Variants in NKAIN3 observed in about 807,000 individuals in gnomAD.
The protein encoded by NKAIN3 is sodium/potassium-transporting ATPase subunit beta-1-interacting protein 3.
Under a neutral mutation model 30.2 loss-of-function variants are expected in NKAIN3, and 25 were observed. The ratio of observed to expected loss-of-function variants is 0.83; its 90% CI spans 0.60 to 1.16. NKAIN3 has a LOEUF of 1.16. Ranked by LOEUF, NKAIN3 falls within the 50% of genes most tolerant of loss-of-function variation. The probability of loss-of-function intolerance (pLI) is 0.00; values close to 1 mark genes in which losing one functional copy is unlikely to be tolerated. For synonymous variants in NKAIN3, 91 were observed against 89.6 expected, an observed-to-expected ratio of 1.02 and a Z score of -0.09; for missense variants, 225 against 254.1, an observed-to-expected ratio of 0.89 and a Z score of 0.78.
chr8:62,732,440 G>A (rs1423981560), intron 3 of NKAIN3, among the ~76,000 whole-genome samples: 2 of 151,722 alleles, frequency 1.3e-5, no homozygotes, highest in African/African-American at 4.8e-5. Context: ...TATTTTAATT[G>A]CATTATTGTC....
At position 62,784,132 on chromosome 8, in the gene NKAIN3, A is replaced by T. The variant is rs116315265; in HGVS notation, c.471+37003A>T. On this transcript the variant is annotated intron_variant, in intron 4 of 6. Transcript: ENST00000623646. ...AAAATGTACAAGACACAGCTAACAC[A>T]GTTATGAGAGGTAAATTGACAGTTA... Among the ~76,000 whole-genome samples the T allele has an allele frequency of 5.4e-3, 819 of 152,224 alleles. 3 individuals carry two copies. The highest frequency in any genetic ancestry group is 0.018 in the African/African-American group (758 of 41,552).
intron 3 of NKAIN3, among the ~76,000 whole-genome samples, chr8:62,626,170 A>T (rs1811781297): frequency 1.3e-5 from 2 of 152,184 alleles, no homozygotes; most frequent in South Asian, 4.1e-4. Flanking sequence ...TCACCAAAAT[A>T]GGTAGGAAGG....
intron 4 of NKAIN3, among the ~76,000 whole-genome samples, chr8:62,873,713 A>G (rs1389451554): frequency 6.6e-6 from 1 of 152,028 alleles, no homozygotes; most frequent in Non-Finnish European, 1.5e-5. Flanking sequence ...TGGAAACTGA[A>G]CAACCTGCTC....
chr8:62,833,128 A>T (rs1819248350), intron 4 of NKAIN3, among the ~76,000 whole-genome samples: 1 of 152,218 alleles, frequency 6.6e-6, no homozygotes, highest in African/African-American at 2.4e-5. Flanking sequence ...AAATGAAAAA[A>T]TTCTTTGAAA....
intron 4 of NKAIN3, among the ~76,000 whole-genome samples, chr8:62,755,973 G>T (rs763151740): frequency 2.0e-4 from 30 of 152,110 alleles, no homozygotes; most frequent in Non-Finnish European, 3.8e-4. Context: ...AATTGTTGGG[G>T]CCTGGAACTG....
At chr8:62,504,050 G>T (rs2129696387) in intron 1 of NKAIN3, among the ~76,000 whole-genome samples, 1 of 152,306 alleles carries the variant, frequency 6.6e-6, no homozygotes, top group East Asian at 1.9e-4. Context: ...ATATTCCTCT[G>T]CCACGGCGCC....
chr8:62,738,334 T>A (rs1180372027), intron 3 of NKAIN3, among the ~76,000 whole-genome samples: 2 of 152,128 alleles, frequency 1.3e-5, no homozygotes, highest in African/African-American at 4.8e-5. Flanking sequence ...GCACGGTGGC[T>A]CACACTTGCA....
intron 3 of NKAIN3, among the ~76,000 whole-genome samples, chr8:62,633,487 T>C (rs1003297898): frequency 2.0e-5 from 3 of 152,194 alleles, no homozygotes; most frequent in African/African-American, 7.2e-5. Context: ...GTATTCACCA[T>C]GCCAGGCCCC....
intron 4 of NKAIN3, among the ~76,000 whole-genome samples, chr8:62,829,900 C>T (rs1819142585): frequency 1.3e-5 from 2 of 151,842 alleles, no homozygotes; most frequent in Admixed American, 6.6e-5. Context: ...CACTTTCATC[C>T]CAAAATGAAA....
intron 1 of NKAIN3, among the ~76,000 whole-genome samples, chr8:62,411,022 T>C (rs1804221286): frequency 6.6e-6 from 1 of 152,164 alleles, no homozygotes; most frequent in Admixed American, 6.5e-5. Flanking sequence ...GCAGAGGGGC[T>C]CCTTCCTAAG....
At chr8:62,747,209 A>C in intron 4 of NKAIN3, 80 bp downstream of exon 4, 1 of 840,930 alleles carries the variant, frequency 1.2e-6, no homozygotes, top group Non-Finnish European at 1.9e-6. Context: ...CCTGATAGAA[A>C]ATGCCACAGA....
At chr8:62,398,062 A>G (rs536131612) in intron 1 of NKAIN3, among the ~76,000 whole-genome samples, 4 of 152,318 alleles carry the variant, frequency 2.6e-5, no homozygotes, top group Admixed American at 2.0e-4. Context: ...TCTGGCCACG[A>G]AGCTGGCAAG....
At chr8:62,620,691 A>G (rs1336137593) in intron 3 of NKAIN3, among the ~76,000 whole-genome samples, 3 of 152,200 alleles carry the variant, frequency 2.0e-5, no homozygotes, top group Non-Finnish European at 4.4e-5. Context: ...AAATAAAAAT[A>G]CAGTTTTTTA....
At chr8:62,913,871 C>T (rs1208906465) in intron 4 of NKAIN3, among the ~76,000 whole-genome samples, 2 of 152,132 alleles carry the variant, frequency 1.3e-5, no homozygotes, top group South Asian at 2.1e-4. Flanking sequence ...AAAATAATTA[C>T]GATCTGTTTA....
At chr8:62,856,392 C>A (rs1202023601) in intron 4 of NKAIN3, 3 of 814,916 alleles carry the variant, frequency 3.7e-6, no homozygotes, top group Non-Finnish European at 6.6e-6. Flanking sequence ...TGCTGGATTC[C>A]TCAAAGTGAA....
At chr8:62,429,237 T>G (rs1804916392) in intron 1 of NKAIN3, among the ~76,000 whole-genome samples, 1 of 151,938 alleles carries the variant, frequency 6.6e-6, no homozygotes, top group South Asian at 2.1e-4. Flanking sequence ...TGACGCTTGC[T>G]ATAGGTTTGT....
At chr8:62,261,251 A>G (rs1044177549) in intron 1 of NKAIN3, among the ~76,000 whole-genome samples, 2 of 152,214 alleles carry the variant, frequency 1.3e-5, no homozygotes, top group African/African-American at 2.4e-5. Context: ...TAAACATAAT[A>G]GAGAAGTTTT....
At chr8:62,435,993 A>G (rs980209589) in intron 1 of NKAIN3, among the ~76,000 whole-genome samples, 4 of 152,146 alleles carry the variant, frequency 2.6e-5, no homozygotes, top group African/African-American at 9.7e-5. Context: ...ATTGTACTCT[A>G]TTTCATTCCC....
chr8:62,814,745 A>G (rs1171233761), intron 4 of NKAIN3, among the ~76,000 whole-genome samples: 2 of 152,102 alleles, frequency 1.3e-5, no homozygotes, highest in African/African-American at 4.8e-5. Flanking sequence ...TGTAGAGGGA[A>G]ATTTATAGCA....
Sources: gnomAD v4.1 joint callset for allele counts (sites outside exome capture counted in the v4.1 genomes callset) on GRCh38, gnomAD v4.1.1 for gene constraint, MANE v1.5 for transcripts, NCBI Gene and HGNC (gene_info 2026-07-23, HGNC 2026-07-21) for gene names.